The following CACNA1C variants were observed in gnomAD, a reference collection of about 807,000 sequenced individuals.
CACNA1C encodes the protein calcium voltage-gated channel subunit alpha1 C.
A neutral mutation model predicts 229.0 loss-of-function variants in CACNA1C; 30 were observed. The ratio of observed to expected loss-of-function variants is 0.13; its 90% CI spans 0.10 to 0.18. The LOEUF (loss-of-function observed/expected upper bound fraction) is 0.18, where lower values mean the gene tolerates loss of function less well. CACNA1C is among the 10% of genes least tolerant of loss of function. CACNA1C has a pLI of 1.00. For synonymous variants in CACNA1C, 1,114 were observed against 1,132.5 expected (o/e 0.98, Z 0.33); for missense variants, 1,658 against 2,845.0 (o/e 0.58, Z 9.49).
At chr12:2,684,314 C>T (rs2097331839) in intron 43 of CACNA1C, among the ~76,000 whole-genome samples, 2 of 152,136 alleles carry the variant, frequency 1.3e-5, no homozygotes, top group South Asian at 4.1e-4. Context: ...CAAAATGGGA[C>T]GGTGGGGGTG....
At chr12:2,372,659 A>G (rs1297472235) in intron 3 of CACNA1C, among the ~76,000 whole-genome samples, 1 of 152,192 alleles carries the variant, frequency 6.6e-6, no homozygotes, top group Non-Finnish European at 1.5e-5. Context: ...AAATAAAGCA[A>G]TGGATCACTT....
chr12:2,182,265 C>T (rs1206362543), intron 3 of CACNA1C, among the ~76,000 whole-genome samples: 1 of 151,890 alleles, frequency 6.6e-6, no homozygotes, highest in African/African-American at 2.4e-5. Context: ...AAGCCAAACA[C>T]AGGCTCCCCG....
At chr12:2,427,982 C>T (rs1384214037) in intron 3 of CACNA1C, among the ~76,000 whole-genome samples, 1 of 152,172 alleles carries the variant, frequency 6.6e-6, no homozygotes, top group East Asian at 1.9e-4. Flanking sequence ...GTATTAGTGG[C>T]TCCTTATCAG....
intron 9 of CACNA1C, among the ~76,000 whole-genome samples, chr12:2,531,766 C>G (rs2154582384): frequency 6.6e-6 from 1 of 152,290 alleles, no homozygotes; most frequent in East Asian, 1.9e-4. Context: ...CTGACAATGT[C>G]TGTCTACCTT....
intron 1 of CACNA1C, among the ~76,000 whole-genome samples, chr12:2,095,546 C>T (rs1430723386): frequency 4.6e-5 from 7 of 152,216 alleles, no homozygotes; most frequent in African/African-American, 1.2e-4. Flanking sequence ...GTTGAGGCTG[C>T]GGGAGAATCC....
At position 2,464,140 on chromosome 12, in the gene CACNA1C, G is replaced by A. The variant is rs114625409; in HGVS notation, c.757+6434G>A. On this transcript the variant is annotated intron_variant, in intron 5 of 46. Coordinates refer to ENST00000399655, the MANE Select transcript of CACNA1C (RefSeq NM_000719.7). ...GAGAAAGATGTGTAGGGTCTTTGAC[G>A]AAAACTCAGAGCAACCTAGACTTGA... Among the ~76,000 whole-genome samples the A allele has an allele frequency of 8.5e-3, 1,299 of 152,160 alleles. 19 individuals carry two copies. The highest frequency in any genetic ancestry group is 0.03 in the African/African-American group (1,233 of 41,512).
At position 2,053,279 on chromosome 12, in the gene CACNA1C, G is replaced by C. The variant is rs2052856448; in HGVS notation, c.-284G>C. 8.8e-7 allele frequency: 1 copy of C among 1,134,556 alleles called. No individual in the cohort carries two copies. The allele number at this position is 1,134,556 out of a possible 1,614,324, so 70.3% of individuals were successfully genotyped here. On this transcript the variant is annotated 5_prime_UTR_variant, in exon 1 of 47. Transcript: ENST00000399655. The surrounding 1 kb of genome is among the most constrained non-coding windows in gnomAD (Gnocchi z 5.8). The stretch of plus-strand genomic sequence containing the variant: ...TTTTTCAAATGGTGTAGCCGCCGGA[G>C]GTGCGGTGCTCAGTTCTTGGAAGGG...
chr12:2,623,775 C>G (rs2084698531), intron 29 of CACNA1C, among the ~76,000 whole-genome samples: 1 of 152,138 alleles, frequency 6.6e-6, no homozygotes, highest in Non-Finnish European at 1.5e-5. Flanking sequence ...CTGGGGTGCC[C>G]CTCCTCGCAA....
chr12:2,520,091 CA>C (rs1418453243), intron 9 of CACNA1C, among the ~76,000 whole-genome samples: 3 of 152,184 alleles, frequency 2.0e-5, no homozygotes, highest in Non-Finnish European at 2.9e-5. Flanking sequence ...ACAGTCTTCT[CA>C]TTGCCCAATG....
intron 2 of CACNA1C, among the ~76,000 whole-genome samples, chr12:2,116,267 A>C (rs986468715): frequency 1.3e-5 from 2 of 152,180 alleles, no homozygotes; most frequent in African/African-American, 4.8e-5. Flanking sequence ...GAAACAAGCA[A>C]ATGGGTCCTT....
intron 3 of CACNA1C, among the ~76,000 whole-genome samples, chr12:2,156,977 T>A (rs913507148): frequency 2.6e-5 from 4 of 152,158 alleles, no homozygotes; most frequent in African/African-American, 9.7e-5. Flanking sequence ...GACAGCTGAA[T>A]CCTAAGCGGC....
rs758011681 is a variant in CACNA1C at position 2,611,136 on chromosome 12, CT to C, written c.3717+438del. Among the ~76,000 whole-genome samples the C allele has an allele frequency of 4.0e-4, 55 of 137,068 alleles. 1 individual carries two copies. Among genetic ancestry groups the C allele is most frequent in the Admixed American group, 6.0e-4 (8 of 13,284 alleles). The allele number at this position is 137,068 out of a possible 152,430, so 89.9% of individuals were successfully genotyped here. ...AGGAGATGGAGAAGGGAGGGATGAGCTGGATGCGTTCGTTTTTGGTTGATCA... is the reference window on the plus strand; with the variant it reads ...AGGAGATGGAGAAGGGAGGGATGAGCGGATGCGTTCGTTTTTGGTTGATCA... On this transcript the variant is annotated intron_variant, in intron 28 of 46. Coordinates refer to ENST00000399655, the MANE Select transcript of CACNA1C (RefSeq NM_000719.7).
chr12:2,557,094 C>T, intron 11 of CACNA1C, 117 bp downstream of exon 11: 1 of 759,258 alleles, frequency 1.3e-6, no homozygotes, highest in East Asian at 2.5e-5. Flanking sequence ...GGCTGTTCTT[C>T]TAAGGGGGTA....
chr12:2,459,078 G>T (rs1219145585), intron 5 of CACNA1C, among the ~76,000 whole-genome samples: 3 of 148,600 alleles, frequency 2.0e-5, no homozygotes, highest in African/African-American at 7.5e-5. Context: ...CGCCTCCCAG[G>T]TTCAAGCGAT....
intron 1 of CACNA1C, among the ~76,000 whole-genome samples, chr12:1,979,519 C>A (rs1353869524): frequency 6.6e-6 from 1 of 152,170 alleles, no homozygotes; most frequent in Non-Finnish European, 1.5e-5. Context: ...ACCATGTTGG[C>A]CAGGCTCGTC....
At position 2,039,177 on chromosome 12, in the gene CACNA1C, G is replaced by A. The variant is rs1034090208; in HGVS notation, c.139+67976G>A. 2.6e-5 allele frequency among the ~76,000 whole-genome samples: 4 copies of A among 152,148 alleles called. No individual in the cohort carries two copies. The South Asian group carries it at 6.2e-4, about 24-fold the overall frequency. On this transcript the variant is annotated intron_variant, in intron 1 of 46. Coordinates refer to the CACNA1C transcript ENST00000682462. Reference sequence around the variant, plus strand: ...GCAGAGTTCCAATCCCCTGGTAGAGGATCTTTTTGGCTAAGTAACTCACTA... The same window carrying A: ...GCAGAGTTCCAATCCCCTGGTAGAGAATCTTTTTGGCTAAGTAACTCACTA...
chr12:2,549,322 T>C (rs12298268), intron 9 of CACNA1C, among the ~76,000 whole-genome samples: 29,580 of 152,172 alleles, frequency 0.19, 3,666 homozygotes, highest in African/African-American at 0.35. Context: ...TCACTCCTTA[T>C]GTCTGCAGGG....
intron 9 of CACNA1C, among the ~76,000 whole-genome samples, chr12:2,519,544 A>G (rs886406967): frequency 5.3e-5 from 8 of 152,238 alleles, no homozygotes; most frequent in Admixed American, 4.6e-4. Flanking sequence ...ATTTGGAAAC[A>G]GGCGAATAAG....
chr12:2,230,941 A>C lies in CACNA1C; in HGVS notation c.477+110511A>C, dbSNP rs547243022. ...AAGACCCTTGCTAACAGGTGTTGGG[A>C]CATTATCCAAACGCATGCTTCTGAC... is the stretch of plus-strand genomic sequence containing the variant. On this transcript the variant is annotated intron_variant, in intron 3 of 46. Transcript: ENST00000399655. Among the ~76,000 whole-genome samples the C allele has an allele frequency of 2.0e-5, 3 of 152,314 alleles. No individual in the cohort carries two copies. The South Asian group carries it at 6.2e-4, about 32-fold the overall frequency.
Sources: gnomAD v4.1 joint callset for allele counts (sites outside exome capture counted in the v4.1 genomes callset) on GRCh38, gnomAD v4.1.1 for gene constraint, Gnocchi (gnomAD v3.1) non-coding constraint, MANE v1.5 for transcripts, NCBI Gene and HGNC (gene_info 2026-07-23, HGNC 2026-07-21) for gene names.